LRRC8A: variants seen among roughly 807,000 people sequenced by gnomAD.
LRRC8A encodes leucine rich repeat containing 8 VRAC subunit A, also known as volume-regulated anion channel subunit LRRC8A.
A neutral mutation model predicts 52.5 loss-of-function variants in LRRC8A; 24 were observed. The ratio of observed to expected loss-of-function variants is 0.46; its 90% CI spans 0.33 to 0.64. The LOEUF (loss-of-function observed/expected upper bound fraction) is 0.64. Ranked by LOEUF, LRRC8A falls within the 30% of genes least tolerant of loss-of-function variation. The pLI is 0.02. For missense variants in LRRC8A, 677 were observed against 1,094.7 expected, an observed-to-expected ratio of 0.62 and a Z score of 5.38; for synonymous variants, 492 against 494.2, an observed-to-expected ratio of 1.00 and a Z score of 0.06.
chr9:128,897,531 T>C (rs909164158), intron 2 of LRRC8A, among the ~76,000 whole-genome samples: 1 of 151,888 alleles, frequency 6.6e-6, no homozygotes, highest in African/African-American at 2.4e-5. Context: ...CTTGATCCTT[T>C]GAGATCGTGA....
At position 128,908,349 on chromosome 9, in the gene LRRC8A, G is replaced by A. The variant is rs766448821; in HGVS notation, c.1185G>A (p.Ser395=). The change falls in exon 3 of 4, where the codon TCG becomes TCA. Residue 395 remains serine (S), a synonymous_variant. Transcript: ENST00000372600. The stretch of plus-strand genomic sequence containing the variant: ...CCAAGCGCTTCGCCGTCTTCCTGTC[G>A]GAGGTGAGTGAGAACAAGCTGCGGC... ...LYSKRFAVFL[S]EVSENKLRQL... 4.9e-5 allele frequency: 79 copies of A among 1,613,950 alleles called. No homozygotes were observed. The highest frequency in any genetic ancestry group is 1.3e-4 in the South Asian group (12 of 91,080).
intron 2 of LRRC8A, among the ~76,000 whole-genome samples, chr9:128,904,187 C>T (rs77400689): frequency 9.2e-5 from 14 of 152,268 alleles, no homozygotes; most frequent in Non-Finnish European, 1.6e-4. Context: ...AATCTAGGTT[C>T]TGGGTTACAG....
intron 2 of LRRC8A, among the ~76,000 whole-genome samples, chr9:128,898,306 C>T (rs1839901758): frequency 6.6e-6 from 1 of 152,104 alleles, no homozygotes; most frequent in South Asian, 2.1e-4. Context: ...CTGCAACCTC[C>T]ACCACCTGGG....
chr9:128,909,346 C>T (rs778356908), intron 3 of LRRC8A, 25 bp downstream of exon 3: 20 of 1,602,758 alleles, frequency 1.2e-5, no homozygotes, highest in South Asian at 7.7e-5. Context: ...CACAGCTCTG[C>T]GTGTGGGCTG....
At chr9:128,915,150 G>A (rs1054445115) in intron 3 of LRRC8A, among the ~76,000 whole-genome samples, 2 of 152,150 alleles carry the variant, frequency 1.3e-5, no homozygotes, top group East Asian at 1.9e-4. Flanking sequence ...AGCTGCATAC[G>A]GGTGTCGTCT....
intron 2 of LRRC8A, among the ~76,000 whole-genome samples, chr9:128,889,485 T>TG (rs1298334640): frequency 1.3e-4 from 19 of 151,394 alleles, no homozygotes; most frequent in East Asian, 7.7e-4. Flanking sequence ...GTTTTTTTTT[T>TG]TTTGTTTAAT....
rs1424773274 is a variant in LRRC8A, at chr9:128,916,658, C to T, written c.*287C>T. 3 of 381,976 alleles carry T rather than the reference C, an allele frequency of 7.9e-6. No homozygotes were observed. The East Asian group carries it at 1.2e-4, about 16-fold the overall frequency. The allele number at this position is 381,976 out of a possible 1,614,324, so 23.7% of individuals were successfully genotyped here. A position where few individuals can be genotyped will look rare whatever the true frequency, so the allele number is the denominator to read the frequency against. The stretch of plus-strand genomic sequence containing the variant: ...TCAGGGTCTCCTCCCTGGAGGCCAG[C>T]TCTGCCCCAGGGGCTGAGCTGCCAC... On this transcript the variant is annotated 3_prime_UTR_variant, in exon 4 of 4. Transcript: ENST00000372600. The surrounding 1 kb of genome is among the most constrained non-coding windows in gnomAD (Gnocchi z 6.1).
At chr9:128,900,666 C>T (rs1338698747) in intron 2 of LRRC8A, among the ~76,000 whole-genome samples, 1 of 152,100 alleles carries the variant, frequency 6.6e-6, no homozygotes, top group African/African-American at 2.4e-5. Context: ...TGAGATCATG[C>T]CACTGCTCCA....
intron 3 of LRRC8A, 86 bp downstream of exon 3, chr9:128,909,407 C>A: frequency 7.5e-7 from 1 of 1,331,590 alleles, no homozygotes; most frequent in Non-Finnish European, 1.0e-6. Flanking sequence ...GGCTCAGTGT[C>A]CTGGGACCGT....
At chr9:128,893,967 C>T (rs1464479202) in intron 2 of LRRC8A, among the ~76,000 whole-genome samples, 2 of 152,010 alleles carry the variant, frequency 1.3e-5, no homozygotes, top group African/African-American at 2.4e-5. Context: ...CAACCTGCGC[C>T]TCCCGGGTTC....
chr9:128,882,771 T>C (rs969133919), intron 1 of LRRC8A: 7 of 398,886 alleles, frequency 1.8e-5, no homozygotes, highest in South Asian at 1.3e-4. Flanking sequence ...GGCTAGGCTC[T>C]TGGGGCCTTT....
intron 2 of LRRC8A, among the ~76,000 whole-genome samples, chr9:128,890,114 T>C (rs966455105): frequency 1.4e-4 from 20 of 143,702 alleles, no homozygotes; most frequent in Non-Finnish European, 2.5e-4. Flanking sequence ...GACAGTTGTT[T>C]TTTAGTGGCT....
intron 2 of LRRC8A, among the ~76,000 whole-genome samples, chr9:128,906,601 A>T (rs1840261845): frequency 6.6e-6 from 1 of 152,008 alleles, no homozygotes; most frequent in Non-Finnish European, 1.5e-5. Flanking sequence ...GGGATTACAG[A>T]CGTGAACCAC....
intron 3 of LRRC8A, among the ~76,000 whole-genome samples, chr9:128,914,613 C>A (rs545012882): frequency 6.6e-6 from 1 of 152,164 alleles, no homozygotes; most frequent in Non-Finnish European, 1.5e-5. Context: ...GGGCCTCAGT[C>A]TCCTTGGCAG....
In LRRC8A at chr9:128,907,777, G is replaced by T; in HGVS notation, c.613G>T (p.Val205Leu). The T allele has an allele frequency of 1.2e-6, 2 of 1,613,946 alleles. No homozygotes were observed. Among genetic ancestry groups the T allele is most frequent in the Non-Finnish European group, 1.7e-6 (2 of 1,179,958 alleles). ...DKKSSTVSED[V>L]EATVPMLQRT... is the part of the protein sequence containing the mutation. ...AAAGTCATCGACCGTCAGTGAGGAC[G>T]TGGAGGCCACCGTGCCCATGCTGCA... The change falls in exon 3 of 4, where the codon GTG becomes TTG. Residue 205 changes from valine (V) to leucine (L), a missense_variant. Physicochemically the swap from Val to Leu is conservative, Grantham distance 32. Coordinates refer to ENST00000372600, the MANE Select transcript of LRRC8A (RefSeq NM_019594.4). This position sits in a 1 kb window ranked among gnomAD's most constrained non-coding sequence, Gnocchi z 9.3.
rs759080682 is a variant in LRRC8A, at chr9:128,907,131, A to AC, written c.-8-20dup. 4.2e-5 allele frequency: 66 copies of AC among 1,572,808 alleles called. No homozygotes were observed. Among genetic ancestry groups the AC allele is most frequent in the Non-Finnish European group, 5.6e-5 (65 of 1,152,444 alleles). On this transcript the variant is annotated intron_variant, in intron 2 of 3. Coordinates refer to ENST00000372600, the MANE Select transcript of LRRC8A (RefSeq NM_019594.4). This position sits in a 1 kb window ranked among gnomAD's most constrained non-coding sequence, Gnocchi z 9.3. ...AGGAAAGCCAGGCCACCCTGTGCTA[A>AC]CCCCCCTCCTATGGCTCCCTTTTAG... is the stretch of plus-strand genomic sequence containing the variant.
At position 128,892,889 on chromosome 9, in the gene LRRC8A, T is replaced by C. The variant is rs4837329; in HGVS notation, c.-9+6768T>C. On this transcript the variant is annotated intron_variant, in intron 2 of 3. Coordinates refer to ENST00000372600, the MANE Select transcript of LRRC8A (RefSeq NM_019594.4). The surrounding 1 kb of genome is among the most constrained non-coding windows in gnomAD (Gnocchi z 5.2). ...TCCCCTCCTGCTTGGGAAGTTTTCC[T>C]GGCTCAGCCTTGTTTGTGCTTTCAC... is the stretch of plus-strand genomic sequence containing the variant. Among the ~76,000 whole-genome samples the C allele has an allele frequency of 0.63, 95,201 of 152,062 alleles. 31,637 individuals carry two copies. Among genetic ancestry groups the C allele is most frequent in the Admixed American group, 0.75 (11,510 of 15,296 alleles).
At chr9:128,890,367 C>T (rs1437391188) in intron 2 of LRRC8A, among the ~76,000 whole-genome samples, 1 of 152,128 alleles carries the variant, frequency 6.6e-6, no homozygotes, top group Non-Finnish European at 1.5e-5. Context: ...AAATTGCTTG[C>T]TGCAATCTAA....
intron 2 of LRRC8A, among the ~76,000 whole-genome samples, chr9:128,888,149 T>C (rs890602013): frequency 6.6e-6 from 1 of 152,176 alleles, no homozygotes; most frequent in African/African-American, 2.4e-5. Flanking sequence ...AGCCAACTCC[T>C]GGCTCTGCCC....
Sources: allele counts gnomAD v4.1 joint callset (sites outside exome capture counted in the v4.1 genomes callset), GRCh38; gene constraint gnomAD v4.1.1; non-coding constraint Gnocchi (gnomAD v3.1); transcripts MANE v1.5; gene names NCBI Gene and HGNC (gene_info 2026-07-23, HGNC 2026-07-21).